TENM2: variants seen among roughly 807,000 people sequenced by gnomAD.
The protein encoded by TENM2 is teneurin transmembrane protein 2.
Under a neutral mutation model 245.2 loss-of-function variants are expected in TENM2, and 52 were observed. The ratio of observed to expected loss-of-function variants is 0.21; its 90% CI spans 0.17 to 0.27. The LOEUF is 0.27. Ranked by LOEUF, TENM2 falls within the 10% of genes least tolerant of loss-of-function variation. The pLI is 1.00. For synonymous variants in TENM2, 1,363 were observed against 1,438.9 expected, an observed-to-expected ratio of 0.95 and a Z score of 1.19; for missense variants, 3,046 against 3,666.8, an observed-to-expected ratio of 0.83 and a Z score of 4.37.
chr5:167,170,216 T>G, the TENM2 span, among the ~76,000 whole-genome samples: 1 of 152,238 alleles, frequency 6.6e-6, no homozygotes. Flanking sequence ...ATGTTTCTTT[T>G]GAATTCCCTC....
Position 167,662,747 on chromosome 5 carries a change from G to T in TENM2, c.503-213239G>T, listed in dbSNP as rs115616069. On this transcript the variant is annotated intron_variant, in intron 2 of 28. Coordinates refer to ENST00000518659, the Ensembl canonical transcript of TENM2. The stretch of plus-strand genomic sequence containing the variant: ...CCCTGGGATAAATTTTTACCTTTCT[G>T]AACCGTTCCTTTGGGAGTTTGCTAC... Among the ~76,000 whole-genome samples the T allele has an allele frequency of 2.9e-3, 441 of 152,086 alleles. 6 individuals are homozygous for T. Among genetic ancestry groups the T allele is most frequent in the African/African-American group, 0.01 (424 of 41,474 alleles).
At position 167,682,094 on chromosome 5, in the gene TENM2, A is replaced by ATCCC. The variant is rs1210507799; in HGVS notation, c.503-193862_503-193859dup. Among the ~76,000 whole-genome samples, 693 of 92,202 alleles carry ATCCC rather than the reference A, an allele frequency of 7.5e-3. 7 individuals carry two copies. The highest frequency in any genetic ancestry group is 0.02 in the African/African-American group (540 of 26,708). The allele number at this position is 92,202 out of a possible 152,430, so 60.5% of individuals were successfully genotyped here. ...CTTTCCTTCCTTCCTTCCTTCCTCCATCCCTCCCTCCCTCCCTCCCTCCCT... is the reference window on the plus strand; with the variant it reads ...CTTTCCTTCCTTCCTTCCTTCCTCCATCCCTCCCTCCCTCCCTCCCTCCCTCCCT... On this transcript the variant is annotated intron_variant, in intron 2 of 28. Coordinates refer to ENST00000518659, the Ensembl canonical transcript of TENM2.
chr5:167,572,351 T>C (rs1038857992), intron 2 of TENM2, among the ~76,000 whole-genome samples: 1 of 152,186 alleles, frequency 6.6e-6, no homozygotes, highest in Non-Finnish European at 1.5e-5. Context: ...GGATATGTTG[T>C]TGGGACATAA....
intron 2 of TENM2, among the ~76,000 whole-genome samples, chr5:167,588,611 TAAAAC>T (rs1043175197): frequency 6.6e-5 from 10 of 152,210 alleles, no homozygotes; most frequent in African/African-American, 2.4e-4. Flanking sequence ...CTTGGGAAGC[TAAAAC>T]AAAACAACAA....
intron 2 of TENM2, among the ~76,000 whole-genome samples, chr5:167,752,013 A>T (rs1761990160): frequency 6.6e-6 from 1 of 152,018 alleles, no homozygotes; most frequent in South Asian, 2.1e-4. Context: ...TATGGGTATG[A>T]TGCTTTCATC....
At chr5:167,814,622 T>C (rs1766902345) in intron 2 of TENM2, among the ~76,000 whole-genome samples, 1 of 150,906 alleles carries the variant, frequency 6.6e-6, no homozygotes, top group African/African-American at 2.4e-5. Context: ...GTTGAAGTAT[T>C]TTATTTAAAA....
At chr5:168,238,758 C>T (rs1308481536) in intron 25 of TENM2, among the ~76,000 whole-genome samples, 1 of 152,166 alleles carries the variant, frequency 6.6e-6, no homozygotes, top group East Asian at 1.9e-4. Context: ...GGGGGATATT[C>T]TGCAGGGGAA....
chr5:168,143,190 C>T (rs929491052), intron 12 of TENM2, among the ~76,000 whole-genome samples: 4 of 151,294 alleles, frequency 2.6e-5, no homozygotes, highest in African/African-American at 9.7e-5. Flanking sequence ...TGACCTAGTG[C>T]ATAATTTGCA....
intron 6 of TENM2, among the ~76,000 whole-genome samples, chr5:168,051,956 A>G (rs1437001770): frequency 1.3e-5 from 2 of 152,200 alleles, no homozygotes; most frequent in African/African-American, 4.8e-5. Flanking sequence ...TTGAGAGGCT[A>G]TATTTTCCAA....
At chr5:167,692,721 GC>G (rs1757512318) in intron 2 of TENM2, among the ~76,000 whole-genome samples, 2 of 152,196 alleles carry the variant, frequency 1.3e-5, no homozygotes, top group South Asian at 4.1e-4. Flanking sequence ...TCAAGCAGGT[GC>G]CTCCTTCCCA....
intron 7 of TENM2, among the ~76,000 whole-genome samples, chr5:168,066,197 A>G (rs545228497): frequency 2.6e-5 from 4 of 152,348 alleles, no homozygotes; most frequent in African/African-American, 9.6e-5. Context: ...AACTTCTACT[A>G]TGAGGAACAA....
At chr5:168,183,608 C>T (rs1468477082) in intron 13 of TENM2, among the ~76,000 whole-genome samples, 7 of 152,276 alleles carry the variant, frequency 4.6e-5, no homozygotes, top group South Asian at 2.1e-4. Context: ...ATTTCCATCA[C>T]GAACAACCAG....
intron 2 of TENM2, among the ~76,000 whole-genome samples, chr5:167,486,405 T>C (rs1768078188): frequency 6.6e-6 from 1 of 151,612 alleles, no homozygotes; most frequent in African/African-American, 2.4e-5. Flanking sequence ...CTCGGCTTGC[T>C]GCAAGCTCTG....
At chr5:168,229,716 C>T (rs1209138320) in intron 25 of TENM2, 1 of 152,176 alleles carries the variant, frequency 6.6e-6, no homozygotes, top group Non-Finnish European at 1.5e-5. Flanking sequence ...CAGGTGACCT[C>T]CCTGCAGAGC....
chr5:168,242,777 A>C (rs1275437705), intron 25 of TENM2, among the ~76,000 whole-genome samples: 1 of 152,038 alleles, frequency 6.6e-6, no homozygotes, highest in African/African-American at 2.4e-5. Context: ...ACATGGTGAA[A>C]CCTCGTCTCT....
the TENM2 span, among the ~76,000 whole-genome samples, chr5:167,122,015 T>A: frequency 6.6e-6 from 1 of 152,198 alleles, no homozygotes; most frequent in Admixed American, 6.5e-5. Flanking sequence ...AGGAAATAGC[T>A]ATAGCTATTT....
At chr5:167,377,662 G>A (rs1201085295) in intron 2 of TENM2, among the ~76,000 whole-genome samples, 1 of 152,106 alleles carries the variant, frequency 6.6e-6, no homozygotes, top group African/African-American at 2.4e-5. Context: ...CAACTCTGCA[G>A]GCAGAGGTGT....
At chr5:167,399,490 A>G (rs1429790268) in intron 2 of TENM2, among the ~76,000 whole-genome samples, 1 of 152,210 alleles carries the variant, frequency 6.6e-6, no homozygotes, top group Non-Finnish European at 1.5e-5. Flanking sequence ...AAATACAAAG[A>G]TAAATTTCAC....
the TENM2 span, among the ~76,000 whole-genome samples, chr5:167,015,983 G>A: frequency 2.0e-5 from 3 of 152,018 alleles, no homozygotes; most frequent in African/African-American, 4.8e-5. Flanking sequence ...GACCAGGCAC[G>A]GTGGCTCACC....
Sources: allele counts gnomAD v4.1 joint callset (sites outside exome capture counted in the v4.1 genomes callset), GRCh38; gene constraint gnomAD v4.1.1; transcripts MANE v1.5; gene names NCBI Gene and HGNC (gene_info 2026-07-23, HGNC 2026-07-21).